The following ENTHD1 variants were observed in gnomAD, a reference collection of about 807,000 sequenced individuals.
ENTHD1 encodes the protein ENTH domain-containing protein 1.
Under a neutral mutation model 39.1 loss-of-function variants are expected in ENTHD1, and 23 were observed. The ratio of observed to expected loss-of-function variants is 0.59; its 90% CI spans 0.42 to 0.83. The LOEUF (loss-of-function observed/expected upper bound fraction) is 0.83. ENTHD1 is among the 40% of genes least tolerant of loss of function. The pLI, the probability that ENTHD1 is intolerant of heterozygous loss-of-function variation, is 0.00. For missense variants in ENTHD1, 624 were observed against 705.4 expected, an observed-to-expected ratio of 0.88 and a Z score of 1.31; for synonymous variants, 230 against 258.2, an observed-to-expected ratio of 0.89 and a Z score of 1.05.
At position 39,874,967 on chromosome 22, in the gene ENTHD1, C is replaced by G. The variant is rs2066275084; in HGVS notation, c.349+12433G>C. 2.0e-5 allele frequency among the ~76,000 whole-genome samples: 3 copies of G among 152,112 alleles called. No homozygotes were observed. The South Asian group carries it at 6.2e-4, about 32-fold the overall frequency. ...GTCATATTTAATGGTTTCTACAACC[C>G]AGAAATTTCACTCTTCAGGATATAC... On this transcript the variant is annotated intron_variant, in intron 2 of 6. Coordinates refer to ENST00000325157, the MANE Select transcript of ENTHD1 (RefSeq NM_152512.4).
intron 5 of ENTHD1, among the ~76,000 whole-genome samples, chr22:39,792,654 A>G (rs924544145): frequency 1.1e-4 from 16 of 152,022 alleles, no homozygotes; most frequent in African/African-American, 3.9e-4. Flanking sequence ...AGGTGAGAGG[A>G]CTGCTTGAGC....
chr22:39,761,568 G>A (rs2065233144), intron 6 of ENTHD1, among the ~76,000 whole-genome samples: 1 of 150,134 alleles, frequency 6.7e-6, no homozygotes, highest in Admixed American at 6.6e-5. Flanking sequence ...TTACATCAGT[G>A]TCAGACTGCT....
At chr22:39,888,068 C>T (rs1452850140) in intron 1 of ENTHD1, among the ~76,000 whole-genome samples, 165 bp from the exon 2 acceptor site, 3 of 151,906 alleles carry the variant, frequency 2.0e-5, no homozygotes, top group Non-Finnish European at 2.9e-5. Context: ...TGGGAAAATC[C>T]CTCATGAGAA....
At chr22:39,829,808 A>C (rs1305702651) in intron 4 of ENTHD1, among the ~76,000 whole-genome samples, 1 of 151,378 alleles carries the variant, frequency 6.6e-6, no homozygotes, top group Non-Finnish European at 1.5e-5. Context: ...AAATAAATAA[A>C]TAAATAAATA....
At chr22:39,821,306 C>G (rs1185639496) in intron 4 of ENTHD1, among the ~76,000 whole-genome samples, 193 bp from the exon 5 acceptor site, 1 of 151,926 alleles carries the variant, frequency 6.6e-6, no homozygotes, top group African/African-American at 2.4e-5. Context: ...CGGGAATCCC[C>G]AGACCTTGCT....
At chr22:39,880,111 C>T (rs1237361723) in intron 2 of ENTHD1, among the ~76,000 whole-genome samples, 2 of 152,090 alleles carry the variant, frequency 1.3e-5, no homozygotes, top group African/African-American at 2.4e-5. Flanking sequence ...ACCTACAGTC[C>T]CAGCTACTCT....
intron 3 of ENTHD1, among the ~76,000 whole-genome samples, chr22:39,848,601 TA>T (rs2066010227): frequency 6.6e-6 from 1 of 152,258 alleles, no homozygotes; most frequent in South Asian, 2.1e-4. Context: ...CCTACCAGCA[TA>T]ATACCTTTTT....
Position 39,861,771 on chromosome 22 carries a change from T to C in ENTHD1, c.586A>G (p.Asn196Asp). ...YKLPKFGRLHNKRNVCKAGLK... is the reference protein window; with the variant it reads ...YKLPKFGRLHDKRNVCKAGLK... ...CAATGTTCATTATACGTACTTTTAT[T>C]ATGTAACCTTCCAAACTTAGGAAGC... Residue 196 changes from asparagine to aspartate, a missense_variant, in exon 3 of 7, where the codon AAT (asparagine) becomes GAT (aspartate). Asn to Asp is a conservative substitution (Grantham distance 23). Coordinates refer to ENST00000325157, the MANE Select transcript of ENTHD1 (RefSeq NM_152512.4). The C allele has an allele frequency of 6.5e-7, 1 of 1,541,560 alleles. No individual in the cohort carries two copies. The highest frequency in any genetic ancestry group is 1.3e-5 in the South Asian group (1 of 76,678).
At chr22:39,863,534 G>A (rs932636329) in intron 2 of ENTHD1, among the ~76,000 whole-genome samples, 11 of 152,056 alleles carry the variant, frequency 7.2e-5, no homozygotes, top group Non-Finnish European at 1.5e-4. Context: ...CAGATACAAA[G>A]GTACACTGTA....
chr22:39,823,714 G>A (rs1473702935), intron 4 of ENTHD1, among the ~76,000 whole-genome samples: 2 of 152,068 alleles, frequency 1.3e-5, no homozygotes, highest in Admixed American at 6.6e-5. Context: ...TAGTAGCCAC[G>A]TTTAGATTTA....
chr22:39,777,080 C>A (rs1038613448), intron 5 of ENTHD1, among the ~76,000 whole-genome samples: 1 of 152,100 alleles, frequency 6.6e-6, no homozygotes, highest in African/African-American at 2.4e-5. Context: ...ATATGTCTTT[C>A]TGTAGTTTAA....
intron 4 of ENTHD1, among the ~76,000 whole-genome samples, chr22:39,825,705 T>TG (rs1169329271): frequency 1.3e-5 from 2 of 151,690 alleles, no homozygotes; most frequent in African/African-American, 4.8e-5. Flanking sequence ...AAAGTTTTTG[T>TG]GGTTTTTTTT....
At position 39,845,547 on chromosome 22, in the gene ENTHD1, G is replaced by C. The variant is rs533320516; in HGVS notation, c.593-9589C>G. Among the ~76,000 whole-genome samples the C allele has an allele frequency of 5.9e-5, 9 of 152,272 alleles. No homozygotes were observed. The South Asian group carries it at 1.9e-3, about 32-fold the overall frequency. On this transcript the variant is annotated intron_variant, in intron 3 of 6. Transcript: ENST00000325157. ...AGAAAGGGAGATGGCATGCATAAAA[G>C]AAAGATCCCAAATGCAGAAGAAAAT...
chr22:39,817,137 G>A (rs1478054049), intron 5 of ENTHD1, among the ~76,000 whole-genome samples: 6 of 152,188 alleles, frequency 3.9e-5, no homozygotes. Flanking sequence ...TGGTGAGAAT[G>A]TGAGTGAATA....
intron 3 of ENTHD1, among the ~76,000 whole-genome samples, chr22:39,847,278 C>G (rs937431233): frequency 6.8e-6 from 1 of 147,820 alleles, no homozygotes; most frequent in African/African-American, 2.5e-5. Flanking sequence ...GGACAAAAAA[C>G]CAAACACCGC....
chr22:39,885,345 G>A (rs927821926), intron 2 of ENTHD1, among the ~76,000 whole-genome samples: 2 of 152,138 alleles, frequency 1.3e-5, no homozygotes, highest in Non-Finnish European at 2.9e-5. Flanking sequence ...AACAAAAAAG[G>A]ATAATAACAA....
intron 5 of ENTHD1, among the ~76,000 whole-genome samples, chr22:39,792,752 T>C (rs1015210627): frequency 6.6e-6 from 1 of 152,182 alleles, no homozygotes; most frequent in Non-Finnish European, 1.5e-5. Flanking sequence ...GAAGAACCCA[T>C]TGGGTAGTTA....
At chr22:39,753,205 G>C (rs2065160309) in intron 6 of ENTHD1, among the ~76,000 whole-genome samples, 1 of 152,166 alleles carries the variant, frequency 6.6e-6, no homozygotes, top group Non-Finnish European at 1.5e-5. Flanking sequence ...CAGTGTAGCT[G>C]AACATACTTA....
rs76612067 is a variant in ENTHD1 at position 39,772,778 on chromosome 22, G to C, written c.833-7169C>G. Among the ~76,000 whole-genome samples the C allele has an allele frequency of 3.3e-5, 5 of 152,148 alleles. No individual in the cohort carries two copies. The East Asian group carries it at 9.7e-4, about 29-fold the overall frequency. The stretch of plus-strand genomic sequence containing the variant: ...AATTGCAAATGGGTTGAAAGTAAAT[G>C]CTTTATAAAGATATACCATGGAACG... On this transcript the variant is annotated intron_variant, in intron 5 of 6. Coordinates refer to ENST00000325157, the MANE Select transcript of ENTHD1 (RefSeq NM_152512.4).
Sources: allele counts gnomAD v4.1 joint callset (sites outside exome capture counted in the v4.1 genomes callset), GRCh38; gene constraint gnomAD v4.1.1; transcripts MANE v1.5; gene names NCBI Gene and HGNC (gene_info 2026-07-23, HGNC 2026-07-21).